CBFA2T2: variants seen among roughly 807,000 people sequenced by gnomAD.
CBFA2T2 encodes the protein CBFA2/RUNX1 partner transcriptional co-repressor 2, also known as protein CBFA2T2.
CBFA2T2 carries 11 observed loss-of-function variants against 62.2 expected under a neutral mutation model. The ratio of observed to expected loss-of-function variants is 0.18; its 90% CI spans 0.11 to 0.29. CBFA2T2 has a LOEUF of 0.29. Ranked by LOEUF, CBFA2T2 falls within the 10% of genes least tolerant of loss-of-function variation. The pLI is 1.00. For missense variants in CBFA2T2, 592 were observed against 774.1 expected, an observed-to-expected ratio of 0.76 and a Z score of 2.79; for synonymous variants, 295 against 287.5, an observed-to-expected ratio of 1.03 and a Z score of -0.27.
At chr20:33,512,864 T>G (rs925371039) in intron 1 of CBFA2T2, among the ~76,000 whole-genome samples, 1 of 151,700 alleles carries the variant, frequency 6.6e-6, no homozygotes, top group African/African-American at 2.4e-5. Context: ...GCCTTTTTCC[T>G]GCCTCAGCCT....
At chr20:33,569,902 A>G (rs1344659605) in intron 1 of CBFA2T2, among the ~76,000 whole-genome samples, 1 of 152,172 alleles carries the variant, frequency 6.6e-6, no homozygotes, top group African/African-American at 2.4e-5. Context: ...GGAGTTTAAA[A>G]AGGTACTAAA....
intron 1 of CBFA2T2, among the ~76,000 whole-genome samples, chr20:33,546,316 A>AT (rs2012566602): frequency 6.6e-6 from 1 of 151,870 alleles, no homozygotes; most frequent in African/African-American, 2.4e-5. Context: ...AGAAAAGGAC[A>AT]TTTTCAGTTG....
chr20:33,593,069 G>A (rs956983902), intron 1 of CBFA2T2, among the ~76,000 whole-genome samples: 1 of 152,108 alleles, frequency 6.6e-6, no homozygotes, highest in Non-Finnish European at 1.5e-5. Context: ...CCTGGCTCAT[G>A]CCTGTAATCC....
At chr20:33,615,033 G>A (rs1316320522) in intron 3 of CBFA2T2, among the ~76,000 whole-genome samples, 1 of 152,154 alleles carries the variant, frequency 6.6e-6, no homozygotes, top group Admixed American at 6.5e-5. Context: ...AACACTGCAC[G>A]CAACAGTGGA....
chr20:33,644,758 A>G lies in CBFA2T2; in HGVS notation c.*112A>G, dbSNP rs2016992286. ...CTGCCGGGTCATCAGCAAGAAATGAATTGGAGGCAGGAAGAGTCCAAGCCT... is the reference window on the plus strand; with the variant it reads ...CTGCCGGGTCATCAGCAAGAAATGAGTTGGAGGCAGGAAGAGTCCAAGCCT... On this transcript the variant is annotated 3_prime_UTR_variant, in exon 11 of 11. Coordinates refer to ENST00000342704, the MANE Select transcript of CBFA2T2 (RefSeq NM_001032999.3). 1 of 1,175,664 alleles carries G rather than the reference A, an allele frequency of 8.5e-7. No individual in the cohort carries two copies. Among genetic ancestry groups the G allele is most frequent in the African/African-American group, 1.5e-5 (1 of 65,224 alleles). 72.8% of individuals were successfully genotyped at this position (1,175,664 alleles called of 1,614,324 possible).
intron 9 of CBFA2T2, among the ~76,000 whole-genome samples, 186 bp from the exon 10 acceptor site, chr20:33,640,155 C>T (rs187015463): frequency 3.3e-5 from 5 of 152,296 alleles, no homozygotes; most frequent in Admixed American, 2.0e-4. Context: ...GCTCGGTGCC[C>T]ACCTCCATCT....
rs542008671 is a variant in CBFA2T2, at chr20:33,564,552, G to A, written c.35-42404G>A. ...TTAAAGGAGTGAGCCACCGCGCCTGGCCCTCTTTTTTTCTTTTCTCTTTTC... is the reference window on the plus strand; with the variant it reads ...TTAAAGGAGTGAGCCACCGCGCCTGACCCTCTTTTTTTCTTTTCTCTTTTC... On this transcript the variant is annotated intron_variant, in intron 1 of 10. Coordinates refer to ENST00000342704, the MANE Select transcript of CBFA2T2 (RefSeq NM_001032999.3). 2.0e-5 allele frequency among the ~76,000 whole-genome samples: 3 copies of A among 152,042 alleles called. No individual in the cohort carries two copies. In the South Asian group the frequency reaches 6.2e-4, roughly 32 times the overall value.
intron 3 of CBFA2T2, among the ~76,000 whole-genome samples, chr20:33,618,264 T>G (rs571589025): frequency 4.6e-5 from 7 of 152,274 alleles, no homozygotes; most frequent in Admixed American, 3.3e-4. Context: ...TTACAAAGTT[T>G]CTAAAAGTAA....
At chr20:33,595,251 G>T (rs2014834808) in intron 1 of CBFA2T2, among the ~76,000 whole-genome samples, 1 of 152,004 alleles carries the variant, frequency 6.6e-6, no homozygotes, top group South Asian at 2.1e-4. Context: ...TCACTTTGTT[G>T]CCCAGGCTGG....
intron 2 of CBFA2T2, 109 bp downstream of exon 2, chr20:33,607,208 A>G (rs1402483402): frequency 3.1e-6 from 3 of 961,068 alleles, no homozygotes; most frequent in South Asian, 5.6e-5. Flanking sequence ...TCAAAGTACT[A>G]TTGAAAATAT....
intron 1 of CBFA2T2, chr20:33,562,699 GGGGGTTAAAGT>G: frequency 1.0e-6 from 1 of 983,694 alleles, no homozygotes; most frequent in Non-Finnish European, 1.2e-6. Flanking sequence ...ATATAGTTTT[GGGGGTTAAAGT>G]GCACAATTCT....
At chr20:33,556,227 ACTTTT>A (rs376458378) in intron 1 of CBFA2T2, among the ~76,000 whole-genome samples, 212 of 152,154 alleles carry the variant, frequency 1.4e-3, no homozygotes, top group African/African-American at 4.9e-3. Flanking sequence ...CCCTCCTGGT[ACTTTT>A]CTTTTCTTGA....
In CBFA2T2 at chr20:33,545,470, T is replaced by TTTCTTTCTTTCTTTCTTTCTTTCG. The variant is rs1209263074; in HGVS notation, c.34+55172_34+55173insTTTCTTTCTTTCTTTCTTTCGTTC. On this transcript the variant is annotated intron_variant, in intron 1 of 10. Transcript: ENST00000342704. ...CTTTCTTTCTTTCTTTCTTTCTTTC[T>TTTCTTTCTTTCTTTCTTTCTTTCG]TTCGTTCGTTTGTTTTCCTCTAGGC... Among the ~76,000 whole-genome samples the TTTCTTTCTTTCTTTCTTTCTTTCG allele has an allele frequency of 1.5e-3, 231 of 151,424 alleles. 1 individual carries two copies. The highest frequency in any genetic ancestry group is 4.7e-3 in the African/African-American group (194 of 40,946).
rs371581377 is a variant in CBFA2T2 at position 33,490,916 on chromosome 20, CTG to C, written c.34+617_34+618del. Reference sequence around the variant, plus strand: ...CGTGGCACACACACAATTGTGAAAACTGTCATTATTGTAATCGTCCTTTATTA... The same window carrying C: ...CGTGGCACACACACAATTGTGAAAACTCATTATTGTAATCGTCCTTTATTA... On this transcript the variant is annotated intron_variant, in intron 1 of 10. Coordinates refer to ENST00000342704, the MANE Select transcript of CBFA2T2 (RefSeq NM_001032999.3). 5.6e-3 allele frequency among the ~76,000 whole-genome samples: 856 copies of C among 152,328 alleles called. 5 individuals are homozygous for C. The highest frequency in any genetic ancestry group is 7.8e-3 in the Non-Finnish European group (533 of 68,040).
intron 1 of CBFA2T2, among the ~76,000 whole-genome samples, chr20:33,538,872 G>A (rs2012335666): frequency 6.7e-6 from 1 of 148,956 alleles, no homozygotes; most frequent in South Asian, 2.2e-4. Flanking sequence ...ATTAGTTAAT[G>A]GCTTTCTGTG....
chr20:33,537,446 A>C (rs948963560), intron 1 of CBFA2T2, among the ~76,000 whole-genome samples: 9 of 152,230 alleles, frequency 5.9e-5, no homozygotes, highest in Admixed American at 2.6e-4. Flanking sequence ...AGTACAGTCC[A>C]GCTTCGGCTG....
intron 1 of CBFA2T2, among the ~76,000 whole-genome samples, chr20:33,578,318 G>A (rs2013928171): frequency 6.6e-6 from 1 of 152,102 alleles, no homozygotes; most frequent in African/African-American, 2.4e-5. Context: ...CCCCAAAATG[G>A]TAAGGAGTTG....
intron 1 of CBFA2T2, among the ~76,000 whole-genome samples, chr20:33,564,195 C>G (rs1009177440): frequency 2.0e-5 from 3 of 151,524 alleles, no homozygotes; most frequent in Admixed American, 2.0e-4. Flanking sequence ...CAGTATAGTA[C>G]TCTTCAATTT....
chr20:33,640,247 C>T (rs370473245), intron 9 of CBFA2T2, 94 bp from the exon 10 acceptor site: 20 of 1,123,044 alleles, frequency 1.8e-5, no homozygotes, highest in East Asian at 1.3e-4. Flanking sequence ...TAGAAAAGAT[C>T]ACTTTGTGTC....
Sources: gnomAD v4.1 joint callset for allele counts (sites outside exome capture counted in the v4.1 genomes callset) on GRCh38, gnomAD v4.1.1 for gene constraint, MANE v1.5 for transcripts, NCBI Gene and HGNC (gene_info 2026-07-23, HGNC 2026-07-21) for gene names.